Variants in ADAM7 observed in about 807,000 individuals in gnomAD.
The protein encoded by ADAM7 is disintegrin and metalloproteinase domain-containing protein 7.
In ADAM7, 97 loss-of-function variants were observed where a neutral mutation model predicts 102.9. That is an observed-to-expected ratio of 0.94 (90% confidence interval 0.80 to 1.12). The LOEUF is 1.12. ADAM7 is among the 50% of genes most tolerant of loss of function. The pLI is 0.00. For missense variants in ADAM7, 991 were observed against 908.7 expected, an observed-to-expected ratio of 1.09 and a Z score of -1.16; for synonymous variants, 334 against 304.4, an observed-to-expected ratio of 1.10 and a Z score of -1.01.
At chr8:24,468,712 G>A (rs1585881183) in intron 6 of ADAM7, 55 bp from the exon 7 acceptor site, 2 of 1,502,826 alleles carry the variant, frequency 1.3e-6, no homozygotes, top group Non-Finnish European at 9.2e-7. Flanking sequence ...CAACTTAAAG[G>A]GTTAAGATAG....
At chr8:24,485,789 T>C (rs1032674767) in intron 10 of ADAM7, among the ~76,000 whole-genome samples, 8 of 152,280 alleles carry the variant, frequency 5.3e-5, no homozygotes, top group Middle Eastern at 3.4e-3. Flanking sequence ...TTAGAAAGCA[T>C]AAGACCTAAA....
At chr8:24,457,857 TGTGTGA>T (rs998763038) in intron 3 of ADAM7, among the ~76,000 whole-genome samples, 9 of 119,674 alleles carry the variant, frequency 7.5e-5, no homozygotes, top group Non-Finnish European at 1.2e-4. Context: ...TGTGCATATG[TGTGTGA>T]GTGTGTGTGT....
chr8:24,460,702 CAT>C (rs938454924), intron 3 of ADAM7, among the ~76,000 whole-genome samples: 13 of 150,304 alleles, frequency 8.6e-5, no homozygotes, highest in African/African-American at 2.7e-4. Context: ...GAAAAGTTGC[CAT>C]ATATATATAC....
chr8:24,468,677 C>T, intron 6 of ADAM7, 90 bp from the exon 7 acceptor site: 1 of 1,164,474 alleles, frequency 8.6e-7, no homozygotes, highest in South Asian at 1.3e-5. Flanking sequence ...CATTTCTTAC[C>T]TTGAAAATAC....
At chr8:24,500,940 G>T (rs1289337830) in intron 19 of ADAM7, 45 bp downstream of exon 19, 10 of 1,481,006 alleles carry the variant, frequency 6.8e-6, no homozygotes, top group African/African-American at 1.4e-5. Context: ...AATTGTTACT[G>T]AGAATATGTA....
At chr8:24,491,882 C>A in intron 13 of ADAM7, 21 bp from the exon 14 acceptor site, 1 of 1,560,728 alleles carries the variant, frequency 6.4e-7, no homozygotes, top group South Asian at 1.2e-5. Context: ...AGGATTTAGT[C>A]TCTTTGTTTT....
At chr8:24,448,865 A>T (rs1818667894) in intron 3 of ADAM7, among the ~76,000 whole-genome samples, 2 of 151,834 alleles carry the variant, frequency 1.3e-5, no homozygotes, top group Admixed American at 1.3e-4. Context: ...ATGTGTTCTC[A>T]TTGTTCAATT....
Position 24,500,988 on chromosome 8 carries a change from T to C in ADAM7, c.2108+93T>C, listed in dbSNP as rs552979064. On this transcript the variant is annotated intron_variant, in intron 19 of 21. Coordinates refer to ENST00000175238, the MANE Select transcript of ADAM7 (RefSeq NM_003817.4). Reference sequence around the variant, plus strand: ...ATAGAGGATATTCAATGGGGGGAAGTATAAGCTTCTTACTGAAGATCAGGT... The same window carrying C: ...ATAGAGGATATTCAATGGGGGGAAGCATAAGCTTCTTACTGAAGATCAGGT... The C allele has an allele frequency of 2.6e-4, 271 of 1,034,324 alleles. 3 individuals are homozygous for C. In the Middle Eastern group the frequency reaches 4.9e-3, roughly 19 times the overall value. 64.1% of individuals were successfully genotyped at this position (1,034,324 alleles called of 1,614,324 possible). A position where few individuals can be genotyped will look rare whatever the true frequency, so the allele number is the denominator to read the frequency against.
intron 15 of ADAM7, 84 bp from the exon 16 acceptor site, chr8:24,492,959 G>A: frequency 7.4e-7 from 1 of 1,355,492 alleles, no homozygotes. Flanking sequence ...TCTAGAAAAA[G>A]AGTGACCGGG....
intron 7 of ADAM7, among the ~76,000 whole-genome samples, chr8:24,469,663 T>C (rs984226266): frequency 1.3e-5 from 2 of 152,108 alleles, no homozygotes; most frequent in Non-Finnish European, 2.9e-5. Flanking sequence ...AATCATCCAA[T>C]GATATTTCAG....
At chr8:24,465,669 A>T in intron 4 of ADAM7, 30 bp from the exon 5 acceptor site, 1 of 1,387,356 alleles carries the variant, frequency 7.2e-7, no homozygotes, top group Non-Finnish European at 9.9e-7. Context: ...ATATTTATAC[A>T]TATAGTAATA....
intron 21 of ADAM7, among the ~76,000 whole-genome samples, chr8:24,507,839 T>C (rs1821004275): frequency 6.6e-6 from 1 of 152,202 alleles, no homozygotes; most frequent in Non-Finnish European, 1.5e-5. Context: ...CAGACTTTTG[T>C]TGGTCAGAGT....
Position 24,479,863 on chromosome 8 carries a change from C to T in ADAM7, c.706-2279C>T, listed in dbSNP as rs1478905328. 2.6e-5 allele frequency among the ~76,000 whole-genome samples: 4 copies of T among 152,140 alleles called. No individual in the cohort carries two copies. In the East Asian group the frequency reaches 7.7e-4, roughly 29 times the overall value. On this transcript the variant is annotated intron_variant, in intron 8 of 21. Transcript: ENST00000175238. ...TTAGGGTTCAGGCACACTTGTTGGC[C>T]CTATGGCCTCAGTTCTGTGGTGGAT...
rs757637532 is a variant in ADAM7, at chr8:24,487,375, G to A, written c.1091+58G>A. 312 of 1,571,058 alleles carry A rather than the reference G, an allele frequency of 2.0e-4. 1 individual carries two copies. In the Middle Eastern group the frequency reaches 2.2e-3, roughly 11 times the overall value. The stretch of plus-strand genomic sequence containing the variant: ...CATAATTCAGAAGTGGGCTGGGCAT[G>A]GTGGCTTATGCCTGTAATCCCAGCA... On this transcript the variant is annotated intron_variant, in intron 11 of 21. Transcript: ENST00000175238.
At chr8:24,484,114 G>A (rs991784841) in intron 9 of ADAM7, among the ~76,000 whole-genome samples, 6 of 152,234 alleles carry the variant, frequency 3.9e-5, no homozygotes, top group African/African-American at 1.2e-4. Flanking sequence ...TTGTCCTGGC[G>A]CTTCCCCTCC....
chr8:24,491,968 T>G lies in ADAM7; in HGVS notation c.1422T>G (p.Thr474=), dbSNP rs767811801. 1 of 1,613,494 alleles carries G rather than the reference T, an allele frequency of 6.2e-7. No homozygotes were observed. The highest frequency in any genetic ancestry group is 1.1e-5 in the South Asian group (1 of 91,058). The change falls in exon 14 of 22, where the codon ACT becomes ACG. Residue 474 remains threonine, a synonymous_variant. Coordinates refer to ENST00000175238, the MANE Select transcript of ADAM7 (RefSeq NM_003817.4). ...KDECDFPEMC[T]GHSPACPKDQ... is the part of the protein sequence containing the mutation. ...AATGTGATTTTCCTGAGATGTGCAC[T>G]GGCCACTCGCCTGCCTGTCCTAAGG...
In ADAM7 at chr8:24,490,823, G is replaced by T. The variant is rs1820320201; in HGVS notation, c.1291G>T (p.Ala431Ser). Reference protein sequence around the residue: ...AQECTNPCCDAHTCVLKPGFT... With the variant: ...AQECTNPCCDSHTCVLKPGFT... Reference sequence around the variant, plus strand: ...GGAGTGTACTAATCCTTGCTGTGATGCACACACATGTGTACTGAAGCCAGG... The same window carrying T: ...GGAGTGTACTAATCCTTGCTGTGATTCACACACATGTGTACTGAAGCCAGG... Residue 431 changes from alanine to serine, a missense_variant, in exon 13 of 22, where the codon GCA becomes TCA. Ala to Ser is a moderately conservative substitution (Grantham distance 99). Transcript: ENST00000175238. The T allele has an allele frequency of 6.2e-7, 1 of 1,613,640 alleles. No individual in the cohort carries two copies. The highest frequency in any genetic ancestry group is 1.3e-5 in the African/African-American group (1 of 74,880).
chr8:24,501,707 A>G (rs1005262648), intron 20 of ADAM7, 131 bp downstream of exon 20: 8 of 585,940 alleles, frequency 1.4e-5, no homozygotes, highest in Non-Finnish European at 2.3e-5. Context: ...ACATGGTTCC[A>G]CACACATGAA....
chr8:24,454,214 G>A (rs1247876381), intron 3 of ADAM7, among the ~76,000 whole-genome samples: 5 of 152,222 alleles, frequency 3.3e-5, no homozygotes, highest in Non-Finnish European at 7.3e-5. Context: ...GTCTGCAGAG[G>A]TTACTGCTGT....
Sources: allele counts gnomAD v4.1 joint callset (sites outside exome capture counted in the v4.1 genomes callset), GRCh38; gene constraint gnomAD v4.1.1; transcripts MANE v1.5; gene names NCBI Gene and HGNC (gene_info 2026-07-23, HGNC 2026-07-21).